Variants in ADCY1 observed in about 807,000 individuals in gnomAD.
ADCY1 encodes the protein adenylate cyclase 1.
A neutral mutation model predicts 105.4 loss-of-function variants in ADCY1; 28 were observed. That is an observed-to-expected ratio of 0.27 (90% CI 0.20 to 0.36). The LOEUF (loss-of-function observed/expected upper bound fraction) is 0.36. Ranked by LOEUF, ADCY1 falls within the 10% of genes least tolerant of loss-of-function variation. The probability of loss-of-function intolerance (pLI) is 1.00; values close to 1 mark genes in which losing one functional copy is unlikely to be tolerated. For synonymous variants in ADCY1, 655 were observed against 623.8 expected (o/e 1.05, Z -0.75); for missense variants, 977 against 1,434.2 (o/e 0.68, Z 5.15).
At chr7:45,704,314 T>A (rs538167917) in intron 16 of ADCY1, among the ~76,000 whole-genome samples, 1 of 152,114 alleles carries the variant, frequency 6.6e-6, no homozygotes, top group East Asian at 1.9e-4. Flanking sequence ...AGCTCACCTG[T>A]TGGGGACAGG....
At chr7:45,689,932 G>T (rs1784755898) in intron 14 of ADCY1, among the ~76,000 whole-genome samples, 1 of 152,242 alleles carries the variant, frequency 6.6e-6, no homozygotes, top group Non-Finnish European at 1.5e-5. Flanking sequence ...ACTGTGAGAG[G>T]AGTCAGAGTC....
intron 14 of ADCY1, among the ~76,000 whole-genome samples, chr7:45,702,293 T>C (rs939205640): frequency 3.9e-5 from 6 of 152,192 alleles, no homozygotes; most frequent in African/African-American, 1.2e-4. Context: ...AAGTGTTCCC[T>C]CTAACAGTGG....
intron 5 of ADCY1, among the ~76,000 whole-genome samples, chr7:45,650,811 G>A (rs977104548): frequency 7.9e-5 from 12 of 152,110 alleles, no homozygotes; most frequent in Non-Finnish European, 1.0e-4. Context: ...TTCTGCAGAC[G>A]TGCCTCTTCC....
chr7:45,635,728 T>A (rs540579885), intron 4 of ADCY1, among the ~76,000 whole-genome samples: 3 of 151,824 alleles, frequency 2.0e-5, no homozygotes, highest in African/African-American at 7.2e-5. Flanking sequence ...GAACATACTT[T>A]TTATTATTTG....
At chr7:45,628,444 G>A (rs540939055) in intron 4 of ADCY1, among the ~76,000 whole-genome samples, 1 of 152,284 alleles carries the variant, frequency 6.6e-6, no homozygotes, top group African/African-American at 2.4e-5. Context: ...TCACACAGCA[G>A]GGAAAGTGTT....
chr7:45,613,425 A>C (rs1433329203), intron 3 of ADCY1, among the ~76,000 whole-genome samples: 1 of 152,320 alleles, frequency 6.6e-6, no homozygotes, highest in South Asian at 2.1e-4. Flanking sequence ...AATGGAAAAG[A>C]CTGAAGAAAG....
At chr7:45,688,140 G>T (rs1389109621) in intron 14 of ADCY1, among the ~76,000 whole-genome samples, 1 of 152,226 alleles carries the variant, frequency 6.6e-6, no homozygotes, top group Non-Finnish European at 1.5e-5. Flanking sequence ...GGGTAACAAA[G>T]GTTGGGCCTG....
chr7:45,635,348 A>AT (rs1225538600), intron 4 of ADCY1, among the ~76,000 whole-genome samples: 2 of 149,508 alleles, frequency 1.3e-5, no homozygotes, highest in Admixed American at 6.6e-5. Context: ...TGATTTCTCT[A>AT]TTTTTTCTAT....
intron 4 of ADCY1, among the ~76,000 whole-genome samples, chr7:45,637,440 T>TG (rs1794421562): frequency 6.6e-6 from 1 of 152,208 alleles, no homozygotes; most frequent in Admixed American, 6.5e-5. Context: ...AAATTTCTTT[T>TG]GGCTGGGTGT....
rs141590132 is a variant in ADCY1 at position 45,597,833 on chromosome 7, A to G, written c.789+4925A>G. Among the ~76,000 whole-genome samples, 24 of 152,308 alleles carry G rather than the reference A, an allele frequency of 1.6e-4. No homozygotes were observed. In the East Asian group the frequency reaches 1.7e-3, roughly 11 times the overall value. On this transcript the variant is annotated intron_variant, in intron 2 of 19. Transcript: ENST00000297323. ...GTGGGGATGGGGGCTTGTCTGTTTCATTGCACTACTTCCTGTCTGTCTGGA... is the reference window on the plus strand; with the variant it reads ...GTGGGGATGGGGGCTTGTCTGTTTCGTTGCACTACTTCCTGTCTGTCTGGA...
chr7:45,631,743 A>T (rs1307224235), intron 4 of ADCY1, among the ~76,000 whole-genome samples: 1 of 152,262 alleles, frequency 6.6e-6, no homozygotes, highest in Non-Finnish European at 1.5e-5. Flanking sequence ...AGGAAAACTC[A>T]CATGAGAAAG....
rs139845305 is a variant in ADCY1, at chr7:45,653,513, G to A, written c.1149-4214G>A. Among the ~76,000 whole-genome samples the A allele has an allele frequency of 6.6e-5, 10 of 152,356 alleles. No homozygotes were observed. The South Asian group carries it at 1.9e-3, about 28-fold the overall frequency. ...CAATCTGAGACCTTCCACGTGTTAAGAGTCTTAGTCTGAGGCTTCCCAATG... is the reference window on the plus strand; with the variant it reads ...CAATCTGAGACCTTCCACGTGTTAAAAGTCTTAGTCTGAGGCTTCCCAATG... On this transcript the variant is annotated intron_variant, in intron 5 of 19. Transcript: ENST00000297323.
rs1419876638 is a variant in ADCY1 at position 45,708,042 on chromosome 7, C to T, written c.2818-308C>T. Among the ~76,000 whole-genome samples the T allele has an allele frequency of 2.0e-5, 3 of 152,174 alleles. No individual in the cohort carries two copies. The East Asian group carries it at 5.8e-4, about 29-fold the overall frequency. On this transcript the variant is annotated intron_variant, in intron 17 of 19. Transcript: ENST00000297323. This position sits in a 1 kb window ranked among gnomAD's most constrained non-coding sequence, Gnocchi z 4.7. ...CCTTGTTTTGCTCATTTGCAATGGC[C>T]ATTAGCAACGCTGTCCAAGCAGGAG...
chr7:45,676,347 A>G (rs924309566), intron 8 of ADCY1, among the ~76,000 whole-genome samples: 10 of 151,902 alleles, frequency 6.6e-5, no homozygotes, highest in Admixed American at 2.6e-4. Context: ...TAACAACTCT[A>G]TCATCTTGAA....
In ADCY1 at chr7:45,686,745, AC is replaced by A. The variant is rs2116212895; in HGVS notation, c.2454+73del. On this transcript the variant is annotated intron_variant, in intron 14 of 19. Transcript: ENST00000297323. The surrounding 1 kb of genome is among the most constrained non-coding windows in gnomAD (Gnocchi z 4.3). ...GGAAGAAGTCTTCAGCAAGCATCTGACGGGGGCTGCCACAGACACCCACACG... is the reference window on the plus strand; with the variant it reads ...GGAAGAAGTCTTCAGCAAGCATCTGAGGGGGCTGCCACAGACACCCACACG... The A allele has an allele frequency of 6.6e-7, 1 of 1,523,694 alleles. No individual in the cohort carries two copies. Among genetic ancestry groups the A allele is most frequent in the African/African-American group, 1.4e-5 (1 of 73,180 alleles). 94.4% of individuals were successfully genotyped at this position (1,523,694 alleles called of 1,614,324 possible).
At chr7:45,639,177 A>G (rs1794475802) in intron 4 of ADCY1, among the ~76,000 whole-genome samples, 1 of 152,250 alleles carries the variant, frequency 6.6e-6, no homozygotes, top group African/African-American at 2.4e-5. Context: ...TCTCGATAGT[A>G]GCTGATGGTT....
rs1018788421 is a variant in ADCY1 at position 45,647,861 on chromosome 7, A to G, written c.1021-809A>G. Among the ~76,000 whole-genome samples, 2 of 152,236 alleles carry G rather than the reference A, an allele frequency of 1.3e-5. No homozygotes were observed. The highest frequency in any genetic ancestry group is 2.4e-5 in the African/African-American group (1 of 41,456). ...AAATATCAGTAGCTATAACCCACCT[A>G]CACAAAAAGTTTTAGTTTTTAGTGA... On this transcript the variant is annotated intron_variant, in intron 4 of 19. Coordinates refer to ENST00000297323, the MANE Select transcript of ADCY1 (RefSeq NM_021116.4). The surrounding 1 kb of genome is among the most constrained non-coding windows in gnomAD (Gnocchi z 4.6).
chr7:45,666,382 G>A (rs190313590), intron 8 of ADCY1, among the ~76,000 whole-genome samples: 5 of 152,252 alleles, frequency 3.3e-5, no homozygotes, highest in Admixed American at 1.3e-4. Flanking sequence ...GAGAACATGC[G>A]GTGTTTGGTT....
At chr7:45,678,889 A>AAATAAC (rs148018132) in intron 10 of ADCY1, among the ~76,000 whole-genome samples, 1 of 149,728 alleles carries the variant, frequency 6.7e-6, no homozygotes, top group Admixed American at 6.7e-5. Flanking sequence ...TTGTCTCTAA[A>AAATAAC]AATAATAATA....
Sources: gnomAD v4.1 joint callset for allele counts (sites outside exome capture counted in the v4.1 genomes callset) on GRCh38, gnomAD v4.1.1 for gene constraint, Gnocchi (gnomAD v3.1) non-coding constraint, MANE v1.5 for transcripts, NCBI Gene and HGNC (gene_info 2026-07-23, HGNC 2026-07-21) for gene names.